The following MTOR variants were observed in gnomAD, a reference collection of about 807,000 sequenced individuals.
MTOR encodes the protein mechanistic target of rapamycin kinase.
MTOR carries 70 observed loss-of-function variants against 319.8 expected under a neutral mutation model. The observed-to-expected ratio is 0.22, with a 90% CI of 0.18 to 0.27. MTOR has a LOEUF of 0.27. Among genes scored for constraint, MTOR ranks in the 10% least tolerant of loss-of-function variants. The pLI is 1.00. For synonymous variants in MTOR, 1,183 were observed against 1,211.4 expected (o/e 0.98, Z 0.49); for missense variants, 1,890 against 3,274.4 (o/e 0.58, Z 10.32).
In MTOR at chr1:11,127,639, T is replaced by C. The variant is rs1423619252; in HGVS notation, c.6201A>G (p.Glu2067=). The C allele has an allele frequency of 2.5e-6, 4 of 1,613,292 alleles. No homozygotes were observed. The highest frequency in any genetic ancestry group is 3.4e-6 in the Non-Finnish European group (4 of 1,179,758). Residue 2067 remains glutamate, a synonymous_variant, in exon 44 of 58, where the codon GAA becomes GAG. Coordinates refer to ENST00000361445, the MANE Select transcript of MTOR (RefSeq NM_004958.4). The surrounding 1 kb of genome is among the most constrained non-coding windows in gnomAD (Gnocchi z 5.5). ...TACCCCATACCTGATTAAAGGATGTTTCCTTCAGAGTCTGGGGGCCCCGTT... is the reference window on the plus strand; with the variant it reads ...TACCCCATACCTGATTAAAGGATGTCTCCTTCAGAGTCTGGGGGCCCCGTT... ...MMERGPQTLK[E]TSFNQAYGRD...
chr1:11,218,383 TCA>T (rs1646547794), intron 19 of MTOR, among the ~76,000 whole-genome samples: 1 of 150,584 alleles, frequency 6.6e-6, no homozygotes, highest in South Asian at 2.1e-4. Flanking sequence ...TGAGCTAAGG[TCA>T]CACCATTGTA....
chr1:11,145,541 C>T (rs1023134792), intron 32 of MTOR, among the ~76,000 whole-genome samples: 8 of 151,890 alleles, frequency 5.3e-5, no homozygotes, highest in Non-Finnish European at 7.4e-5. Flanking sequence ...CCCGCCACCA[C>T]GCCCAGCTAA....
intron 49 of MTOR, among the ~76,000 whole-genome samples, chr1:11,118,849 C>T (rs1057143169): frequency 1.3e-5 from 2 of 151,974 alleles, no homozygotes; most frequent in East Asian, 1.9e-4. Flanking sequence ...TGGTCTCAAA[C>T]GCCTGAGCTT....
At chr1:11,168,420 G>C (rs1237250055) in intron 28 of MTOR, among the ~76,000 whole-genome samples, 1 of 152,092 alleles carries the variant, frequency 6.6e-6, no homozygotes, top group Non-Finnish European at 1.5e-5. Flanking sequence ...AAAACCATCA[G>C]ACTCTGTGAG....
intron 11 of MTOR, 77 bp from the exon 12 acceptor site, chr1:11,238,694 T>A: frequency 7.5e-7 from 1 of 1,328,918 alleles, no homozygotes; most frequent in South Asian, 1.4e-5. Flanking sequence ...GCTAGCTGAA[T>A]TTTCCATTTT....
chr1:11,216,059 C>T lies in MTOR; in HGVS notation c.3117+89G>A, dbSNP rs577881285. Reference sequence around the variant, plus strand: ...AGACTGTAACAGCTCTACAAAGATCCGTGAAAAAAAGTCTATGTCATTCAA... The same window carrying T: ...AGACTGTAACAGCTCTACAAAGATCTGTGAAAAAAAGTCTATGTCATTCAA... On this transcript the variant is annotated intron_variant, in intron 20 of 57. Transcript: ENST00000361445. 129 of 880,600 alleles carry T rather than the reference C, an allele frequency of 1.5e-4. No homozygotes were observed. The African/African-American group carries it at 1.8e-3, about 13-fold the overall frequency. The allele number at this position is 880,600 out of a possible 1,614,324, so 54.5% of individuals were successfully genotyped here. A position where few individuals can be genotyped will look rare whatever the true frequency, so the allele number is the denominator to read the frequency against.
rs1490329185 is a variant in MTOR at position 11,210,778 on chromosome 1, ACAGGGACTTC to A, written c.3654+26_3654+35del. ...ACAAGAATATCAAGTAGTAAAGACA[ACAGGGACTTC>A]AGAACAGAAAAGAAGTATAGTTCAC... On this transcript the variant is annotated intron_variant, in intron 24 of 57. Coordinates refer to ENST00000361445, the MANE Select transcript of MTOR (RefSeq NM_004958.4). The A allele has an allele frequency of 2.1e-6, 3 of 1,450,620 alleles. No individual in the cohort carries two copies. The African/African-American group carries it at 4.2e-5, about 20-fold the overall frequency. 89.9% of individuals were successfully genotyped at this position (1,450,620 alleles called of 1,614,324 possible).
rs757861351 is a variant in MTOR at position 11,121,405 on chromosome 1, C to T, written c.6811-37G>A. On this transcript the variant is annotated intron_variant, in intron 48 of 57. Coordinates refer to ENST00000361445, the MANE Select transcript of MTOR (RefSeq NM_004958.4). This position sits in a 1 kb window ranked among gnomAD's most constrained non-coding sequence, Gnocchi z 4.9. ...CACAACTGTTCAGTAAGAGAGCAGCCTAAGACATGTAGTTTGGGTCCAGGA... is the reference window on the plus strand; with the variant it reads ...CACAACTGTTCAGTAAGAGAGCAGCTTAAGACATGTAGTTTGGGTCCAGGA... The T allele has an allele frequency of 6.2e-7, 1 of 1,611,670 alleles. No homozygotes were observed. The highest frequency in any genetic ancestry group is 1.1e-5 in the South Asian group (1 of 90,912).
At chr1:11,140,313 T>TG (rs1307584926) in intron 34 of MTOR, among the ~76,000 whole-genome samples, 2 of 89,100 alleles carry the variant, frequency 2.2e-5, no homozygotes, top group East Asian at 4.1e-4. Context: ...ACAGATTGGG[T>TG]GGGGGGCGGG....
chr1:11,108,712 CAAA>C (rs758531091), intron 56 of MTOR, among the ~76,000 whole-genome samples: 8 of 49,568 alleles, frequency 1.6e-4, no homozygotes, highest in Non-Finnish European at 2.2e-4. Flanking sequence ...GACCCTGTCT[CAAA>C]AAAAAAAAAA....
Position 11,109,389 on chromosome 1 carries a change from G to C in MTOR, c.7448-19C>G. 6.2e-7 allele frequency: 1 copy of C among 1,609,258 alleles called. No individual in the cohort carries two copies. The highest frequency in any genetic ancestry group is 1.7e-4 in the Middle Eastern group (1 of 6,044). ...TCTCCAACTGGAATACACAAAAGTA[G>C]AAATAACTGTAAGAATGGGAGCAAT... is the stretch of plus-strand genomic sequence containing the variant. On this transcript the variant is annotated intron_variant, in intron 55 of 57. Transcript: ENST00000361445. The surrounding 1 kb of genome is among the most constrained non-coding windows in gnomAD (Gnocchi z 4.0).
At chr1:11,108,736 G>T (rs956800781) in intron 56 of MTOR, among the ~76,000 whole-genome samples, 17 of 140,774 alleles carry the variant, frequency 1.2e-4, no homozygotes, top group African/African-American at 4.2e-4. Context: ...AAAAAGAAAA[G>T]AAAAAAAGAA....
chr1:11,144,697 A>C lies in MTOR; in HGVS notation c.4823T>G (p.Val1608Gly). 1 of 1,614,102 alleles carries C rather than the reference A, an allele frequency of 6.2e-7. No individual in the cohort carries two copies. Among genetic ancestry groups the C allele is most frequent in the African/African-American group, 1.3e-5 (1 of 75,044 alleles). ...GCGGATGATCTCTCGTCGCTCGGGGACAAGTTTGTACTGGATAACCTCCTC... is the reference window on the plus strand; with the variant it reads ...GCGGATGATCTCTCGTCGCTCGGGGCCAAGTTTGTACTGGATAACCTCCTC... ...ELEEVIQYKL[V>G]PERREIIRQI... Residue 1608 changes from valine (V) to glycine (G), a missense_variant, in exon 34 of 58, where the codon GTC becomes GGC. Physicochemically the swap from Val to Gly is moderately radical, Grantham distance 109. This residue lies in a region of MTOR where 276 missense variants were observed against 459.4 expected (regional missense o/e 0.60). Coordinates refer to ENST00000361445, the MANE Select transcript of MTOR (RefSeq NM_004958.4).
In MTOR at chr1:11,161,265, G is replaced by A. The variant is rs373779657; in HGVS notation, c.4330-3974C>T. 1.8e-3 allele frequency among the ~76,000 whole-genome samples: 273 copies of A among 152,326 alleles called. 2 individuals are homozygous for A. The highest frequency in any genetic ancestry group is 5.2e-3 in the South Asian group (25 of 4,828). On this transcript the variant is annotated intron_variant, in intron 29 of 57. Transcript: ENST00000361445. ...GGTGCCCACCATTGCTGAGGCTTGA[G>A]TAGGTAAACAAAGTGGCCGGGAAGC...
chr1:11,200,111 G>A (rs1180731890), intron 26 of MTOR, among the ~76,000 whole-genome samples: 1 of 152,118 alleles, frequency 6.6e-6, no homozygotes, highest in Non-Finnish European at 1.5e-5. Flanking sequence ...CTTCACTGGA[G>A]GAAATGGGAA....
chr1:11,113,045 GA>G, intron 53 of MTOR, 128 bp from the exon 54 acceptor site: 8 of 940,206 alleles, frequency 8.5e-6, no homozygotes, highest in Non-Finnish European at 1.3e-5. Flanking sequence ...AGAGATGACA[GA>G]CATATTACTC....
Position 11,213,525 on chromosome 1 carries a change from A to T in MTOR, c.3159T>A (p.Ile1053=). 1 of 1,614,142 alleles carries T rather than the reference A, an allele frequency of 6.2e-7. No homozygotes were observed. ...VMNTSIQSTI[I]LLIEQIVVAL... ...CTACCACAATTTGCTCAATGAGAAG[A>T]ATGATCGTGCTCTGAATTGAGGTGT... The change falls in exon 21 of 58, where the codon ATT becomes ATA. Residue 1053 remains isoleucine (I), a synonymous_variant. Coordinates refer to ENST00000361445, the MANE Select transcript of MTOR (RefSeq NM_004958.4).
At chr1:11,123,533 A>C (rs1642655359) in intron 47 of MTOR, among the ~76,000 whole-genome samples, 1 of 151,826 alleles carries the variant, frequency 6.6e-6, no homozygotes, top group Non-Finnish European at 1.5e-5. Context: ...TAGAGGCACA[A>C]CCTTGTCTCA....
intron 28 of MTOR, among the ~76,000 whole-genome samples, chr1:11,182,266 T>C (rs1645185409): frequency 6.7e-6 from 1 of 148,254 alleles, no homozygotes; most frequent in Admixed American, 6.7e-5. Flanking sequence ...TTGTGGCAAA[T>C]ACCATGAAGA....
Sources: gnomAD v4.1 joint callset for allele counts (sites outside exome capture counted in the v4.1 genomes callset) on GRCh38, gnomAD v4.1.1 for gene constraint, gnomAD v4.1.1 regional missense constraint, Gnocchi (gnomAD v3.1) non-coding constraint, MANE v1.5 for transcripts, NCBI Gene and HGNC (gene_info 2026-07-23, HGNC 2026-07-21) for gene names.